Variants in ZNF875 observed in about 807,000 individuals in gnomAD.
The protein encoded by ZNF875 is HKR1, GLI-Kruppel zinc finger family member.
Under a neutral mutation model 11.2 loss-of-function variants are expected in ZNF875, and 14 were observed. The observed-to-expected ratio is 1.26, with a 90% confidence interval of 0.83 to 1.96. ZNF875 has a LOEUF of 1.96. ZNF875 is among the 30% of genes most tolerant of loss of function. The pLI, the probability that ZNF875 is intolerant of heterozygous loss-of-function variation, is 0.00. For synonymous variants in ZNF875, 301 were observed against 281.1 expected, an observed-to-expected ratio of 1.07 and a Z score of -0.71; for missense variants, 752 against 760.4, an observed-to-expected ratio of 0.99 and a Z score of 0.13.
At position 37,363,700 on chromosome 19, in the gene ZNF875, T is replaced by C. The variant is rs1212440647; in HGVS notation, c.1848T>C (p.Tyr616=). The change falls in exon 5 of 5, where the codon TAT becomes TAC. Residue 616 remains tyrosine (Y), a synonymous_variant. Transcript: ENST00000392153. The stretch of plus-strand genomic sequence containing the variant: ...GGACACATTCAGGAGAGAAGCCTTA[T>C]ATTTGCAGAAAGTGTGGACGGGGCT... ...HQRTHSGEKP[Y]ICRKCGRGFS... The C allele has an allele frequency of 6.2e-7, 1 of 1,613,574 alleles. No individual in the cohort carries two copies. The highest frequency in any genetic ancestry group is 8.5e-7 in the Non-Finnish European group (1 of 1,179,626).
intron 1 of ZNF875, among the ~76,000 whole-genome samples, chr19:37,320,123 C>A (rs1349742619): frequency 6.6e-6 from 1 of 152,180 alleles, no homozygotes; most frequent in Non-Finnish European, 1.5e-5. Flanking sequence ...AATCCACCCG[C>A]CTCGGCCTCC....
At chr19:37,344,528 C>T (rs2036391411) in intron 2 of ZNF875, 11 of 637,106 alleles carry the variant, frequency 1.7e-5, no homozygotes, top group South Asian at 1.3e-4. Context: ...TTACAAATGA[C>T]GAAGTCTTTT....
intron 4 of ZNF875, among the ~76,000 whole-genome samples, chr19:37,360,013 T>C (rs1228747493): frequency 1.3e-5 from 2 of 152,230 alleles, no homozygotes; most frequent in African/African-American, 4.8e-5. Flanking sequence ...CTCAAGGTTA[T>C]GAAGATTTTC....
In ZNF875 at chr19:37,362,998, C is replaced by T; in HGVS notation, c.1146C>T (p.Val382=). 1.2e-6 allele frequency: 2 copies of T among 1,614,110 alleles called. No homozygotes were observed. The highest frequency in any genetic ancestry group is 1.7e-6 in the Non-Finnish European group (2 of 1,180,042). ...GRGFRQHSHL[V]RHKRTHSGEK... is the part of the protein sequence containing the mutation. ...GCTTTCGCCAGCATTCACACCTGGT[C>T]AGACACAAGAGGACACATTCAGGAG... Residue 382 remains valine, a synonymous_variant, in exon 5 of 5, where the codon GTC becomes GTT. Coordinates refer to ENST00000392153, the MANE Select transcript of ZNF875 (RefSeq NM_001353803.2).
chr19:37,359,411 T>A (rs2039517809), intron 4 of ZNF875: 1 of 191,090 alleles, frequency 5.2e-6, no homozygotes, highest in Non-Finnish European at 1.1e-5. Flanking sequence ...AGTCTTTTCT[T>A]TTTTTTTTTT....
At chr19:37,319,344 C>CATATATATATATATATATAT (rs146774743) in intron 1 of ZNF875, among the ~76,000 whole-genome samples, 1,397 of 111,826 alleles carry the variant, frequency 0.012, 36 homozygotes, top group South Asian at 0.022. Context: ...CTGCAGCCGG[C>CATATATATATATATATATAT]ATATATATAT....
At position 37,326,947 on chromosome 19, in the gene ZNF875, G is replaced by A. The variant is rs2032554801; in HGVS notation, c.-603+2682G>A. On this transcript the variant is annotated intron_variant, in intron 4 of 5. Coordinates refer to the ZNF875 transcript ENST00000544914. ...CCTCCCAAAGTGCTGGGATTACAAG[G>A]GTGGGCCACCATGCACAACCTAGAC... 2.7e-5 allele frequency among the ~76,000 whole-genome samples: 4 copies of A among 150,308 alleles called. No homozygotes were observed. In the South Asian group the frequency reaches 6.4e-4, roughly 24 times the overall value.
chr19:37,340,818 T>G (rs2035566484), intron 2 of ZNF875, among the ~76,000 whole-genome samples: 1 of 151,766 alleles, frequency 6.6e-6, no homozygotes, highest in Non-Finnish European at 1.5e-5. Context: ...CCGGCTAATT[T>G]TTTGTATTGT....
chr19:37,349,153 A>G (rs1362398208), intron 4 of ZNF875, among the ~76,000 whole-genome samples: 1 of 151,994 alleles, frequency 6.6e-6, no homozygotes, highest in African/African-American at 2.4e-5. Flanking sequence ...TCTGTGTCCA[A>G]ATTTTCCTTG....
At chr19:37,336,782 CCTGTAGTCCCAGCTA>C (rs2034531850) in intron 2 of ZNF875, among the ~76,000 whole-genome samples, 1 of 151,680 alleles carries the variant, frequency 6.6e-6, no homozygotes, top group African/African-American at 2.4e-5. Flanking sequence ...GTGGCAAGCG[CCTGTAGTCCCAGCTA>C]CTCGGGAGGC....
chr19:37,361,912 T>G, intron 4 of ZNF875, 197 bp from the exon 5 acceptor site: 1 of 501,132 alleles, frequency 2.0e-6, no homozygotes, highest in Admixed American at 4.2e-5. Flanking sequence ...AAGACTCCGT[T>G]TAAAAAAAAA....
intron 4 of ZNF875, among the ~76,000 whole-genome samples, chr19:37,359,188 C>T (rs949954675): frequency 1.3e-5 from 2 of 152,102 alleles, no homozygotes; most frequent in African/African-American, 2.4e-5. Context: ...CGTGAACCGC[C>T]GCACCTGGCC....
chr19:37,317,969 G>T (rs1338242530), exon 1 of ZNF875: 2 of 155,610 alleles, frequency 1.3e-5, no homozygotes, highest in Non-Finnish European at 2.9e-5. Context: ...GTCTTGGGCT[G>T]TTCGGCCAAG....
At chr19:37,334,228 G>C (rs764049342), upstream of ZNF875, among the ~76,000 whole-genome samples, 1 of 152,184 alleles carries the variant, frequency 6.6e-6, no homozygotes, top group Non-Finnish European at 1.5e-5. Flanking sequence ...GGTGGTTCCC[G>C]CAGAGCATCG....
chr19:37,354,281 C>T (rs1252880607), intron 4 of ZNF875, among the ~76,000 whole-genome samples: 1 of 124,852 alleles, frequency 8.0e-6, no homozygotes, highest in Non-Finnish European at 1.7e-5. Context: ...CTCCCCTCCC[C>T]TCCTCTTGTT....
intron 4 of ZNF875, among the ~76,000 whole-genome samples, chr19:37,329,394 G>A (rs2033033520): frequency 6.6e-6 from 1 of 152,138 alleles, no homozygotes; most frequent in African/African-American, 2.4e-5. Context: ...CAGAAGGGAG[G>A]GGAGATGCTG....
At chr19:37,344,585 C>A (rs1445238165) in intron 2 of ZNF875, 19 of 1,008,886 alleles carry the variant, frequency 1.9e-5, no homozygotes, top group Non-Finnish European at 2.8e-5. Flanking sequence ...GGTTACCATT[C>A]ATTTTTCATA....
At chr19:37,357,721 T>A (rs537212669) in intron 4 of ZNF875, among the ~76,000 whole-genome samples, 56 of 152,250 alleles carry the variant, frequency 3.7e-4, no homozygotes, top group African/African-American at 9.6e-4. Context: ...TTTTTTTTTT[T>A]AATCAGGTTT....
intron 4 of ZNF875, among the ~76,000 whole-genome samples, chr19:37,360,419 A>T (rs568264517): frequency 6.6e-6 from 1 of 152,274 alleles, no homozygotes; most frequent in East Asian, 1.9e-4. Context: ...TTTGAATTTC[A>T]ATGTAAGTTT....
Sources: gnomAD v4.1 joint callset for allele counts (sites outside exome capture counted in the v4.1 genomes callset) on GRCh38, gnomAD v4.1.1 for gene constraint, MANE v1.5 for transcripts, NCBI Gene and HGNC (gene_info 2026-07-23, HGNC 2026-07-21) for gene names.